The following NDRG3 variants were observed in gnomAD, a reference collection of about 807,000 sequenced individuals.
The protein encoded by NDRG3 is NDRG family member 3, also known as protein NDRG3.
NDRG3 carries 23 observed loss-of-function variants against 57.2 expected under a neutral mutation model. The ratio of observed to expected loss-of-function variants is 0.40; its 90% confidence interval spans 0.29 to 0.57. NDRG3 has a LOEUF of 0.57. Ranked by LOEUF, NDRG3 falls within the 20% of genes least tolerant of loss-of-function variation. The pLI is 0.42. For missense variants in NDRG3, 384 were observed against 457.3 expected (o/e 0.84, Z 1.46); for synonymous variants, 132 against 162.6 (o/e 0.81, Z 1.43).
At chr20:36,690,331 G>C (rs1343691355) in intron 3 of NDRG3, among the ~76,000 whole-genome samples, 1 of 151,950 alleles carries the variant, frequency 6.6e-6, no homozygotes, top group Non-Finnish European at 1.5e-5. Context: ...GCAGACAAAA[G>C]ATGCACCGAG....
intron 1 of NDRG3, among the ~76,000 whole-genome samples, chr20:36,725,804 A>G (rs1369982129): frequency 2.0e-5 from 3 of 152,134 alleles, no homozygotes; most frequent in African/African-American, 4.8e-5. Flanking sequence ...CTCACTGGAA[A>G]GCAATGCACT....
At chr20:36,680,147 C>T (rs1449304230) in intron 8 of NDRG3, among the ~76,000 whole-genome samples, 5 of 151,502 alleles carry the variant, frequency 3.3e-5, no homozygotes, top group Non-Finnish European at 5.9e-5. Flanking sequence ...AGAACTACTG[C>T]TACATACAAC....
intron 7 of NDRG3, among the ~76,000 whole-genome samples, chr20:36,681,944 C>T (rs1190069884): frequency 2.6e-5 from 4 of 152,202 alleles, no homozygotes; most frequent in South Asian, 2.1e-4. Flanking sequence ...GTGATCCACC[C>T]GTGTCGGCCT....
rs1332136399 is a variant in NDRG3, at chr20:36,721,759, G to C, written c.-24C>G. The C allele has an allele frequency of 5.9e-6, 9 of 1,531,412 alleles. No individual in the cohort carries two copies. The highest frequency in any genetic ancestry group is 3.4e-4 in the Middle Eastern group (2 of 5,890). 94.9% of individuals were successfully genotyped at this position (1,531,412 alleles called of 1,614,324 possible). A position where few individuals can be genotyped will look rare whatever the true frequency, so the allele number is the denominator to read the frequency against. On this transcript the variant is annotated 5_prime_UTR_variant, in exon 2 of 16. Transcript: ENST00000349004. ...ATGAGGTCAGATAACGAGAGTAGAGGAATCTCAAGAATAAATCAGTAACTC... is the reference window on the plus strand; with the variant it reads ...ATGAGGTCAGATAACGAGAGTAGAGCAATCTCAAGAATAAATCAGTAACTC...
intron 12 of NDRG3, among the ~76,000 whole-genome samples, chr20:36,661,857 G>A (rs549634077): frequency 1.3e-5 from 2 of 152,160 alleles, no homozygotes; most frequent in Non-Finnish European, 2.9e-5. Flanking sequence ...TTTAGTCTGG[G>A]GATTGCGGGT....
In NDRG3 at chr20:36,666,326, G is replaced by C. The variant is rs775053717; in HGVS notation, c.655C>G (p.Gln219Glu). The change falls in exon 10 of 16, where the codon CAA (glutamine) becomes GAA (glutamate). Residue 219 changes from glutamine to glutamate, a missense_variant. Gln to Glu is a conservative substitution (Grantham distance 29, BLOSUM62 2). Transcript: ENST00000349004. ...YRMHIAQDIN[Q>E]DNLQLFLNSY... is the part of the protein sequence containing the mutation. The stretch of plus-strand genomic sequence containing the variant: ...TTCAAGAAGAGCTGCAGGTTGTCTT[G>C]GTTGATGTCTTGGGCAATATGCATT... 7 of 1,613,980 alleles carry C rather than the reference G, an allele frequency of 4.3e-6. No individual in the cohort carries two copies. The African/African-American group carries it at 9.3e-5, about 22-fold the overall frequency.
At chr20:36,682,489 A>G (rs1981386187) in intron 7 of NDRG3, 29 bp downstream of exon 7, 2 of 1,581,054 alleles carry the variant, frequency 1.3e-6, no homozygotes, top group African/African-American at 1.3e-5. Flanking sequence ...TGCCTCAAGG[A>G]TGTTGAGGCT....
intron 7 of NDRG3, 28 bp from the exon 8 acceptor site, chr20:36,680,930 T>C: frequency 6.3e-7 from 1 of 1,581,486 alleles, no homozygotes; most frequent in Non-Finnish European, 8.7e-7. Flanking sequence ...GACAATAGTA[T>C]GAAAGCTACA....
chr20:36,744,434 G>T (rs923341285), intron 1 of NDRG3, among the ~76,000 whole-genome samples: 2 of 152,150 alleles, frequency 1.3e-5, no homozygotes, highest in African/African-American at 4.8e-5. Context: ...AGGATCTACT[G>T]TGAGCCAGGC....
chr20:36,684,424 A>G lies in NDRG3; in HGVS notation c.372T>C (p.Leu124=). The G allele has an allele frequency of 6.2e-7, 1 of 1,614,058 alleles. No individual in the cohort carries two copies. The highest frequency in any genetic ancestry group is 8.5e-7 in the Non-Finnish European group (1 of 1,179,900). The change falls in exon 6 of 16, where the codon CTT becomes CTC. Residue 124 remains leucine, a synonymous_variant. Coordinates refer to ENST00000349004, the MANE Select transcript of NDRG3 (RefSeq NM_032013.4). ...DELAEMLPPV[L]THLSLKSIIG... ...CAGAATGAACCTACCTTAGGTGGGT[A>G]AGAACAGGAGGCAGCATTTCAGCCA...
At position 36,716,532 on chromosome 20, in the gene NDRG3, C is replaced by CAA. The variant is rs35687613; in HGVS notation, c.57+5145_57+5146dup. ...TGGGCAACAGAGCGAGACTCCATCT[C>CAA]AAAAAAAAAAAAAAAAAGATTTACC... On this transcript the variant is annotated intron_variant, in intron 2 of 15. Coordinates refer to ENST00000349004, the MANE Select transcript of NDRG3 (RefSeq NM_032013.4). Among the ~76,000 whole-genome samples the CAA allele has an allele frequency of 5.8e-4, 58 of 100,468 alleles. 1 individual carries two copies. The highest frequency in any genetic ancestry group is 1.4e-3 in the South Asian group (4 of 2,898). The allele number at this position is 100,468 out of a possible 152,430, so 65.9% of individuals were successfully genotyped here.
At chr20:36,662,230 CT>C (rs749800383) in intron 12 of NDRG3, among the ~76,000 whole-genome samples, 2,751 of 139,148 alleles carry the variant, frequency 0.02, 59 homozygotes, top group African/African-American at 0.064. Context: ...TTTTCTTTTT[CT>C]TTTTTTTTTT....
chr20:36,670,587 AT>A (rs1980059635), intron 9 of NDRG3, among the ~76,000 whole-genome samples: 1 of 152,322 alleles, frequency 6.6e-6, no homozygotes, highest in East Asian at 1.9e-4. Flanking sequence ...AATCAGACTA[AT>A]AGAACCATGT....
intron 5 of NDRG3, among the ~76,000 whole-genome samples, chr20:36,684,817 C>T (rs1981642890): frequency 6.6e-6 from 1 of 151,612 alleles, no homozygotes; most frequent in Admixed American, 6.6e-5. Context: ...CCATTGCACT[C>T]CAGCCTGGGC....
chr20:36,687,219 G>A (rs966733401), intron 5 of NDRG3, among the ~76,000 whole-genome samples: 2 of 71,386 alleles, frequency 2.8e-5, no homozygotes, highest in African/African-American at 7.4e-5. Context: ...AGGAGTAGAT[G>A]TTCCAGACAC....
At chr20:36,661,997 G>A (rs1979243256) in intron 12 of NDRG3, among the ~76,000 whole-genome samples, 1 of 152,162 alleles carries the variant, frequency 6.6e-6, no homozygotes, top group South Asian at 2.1e-4. Context: ...GTTCACTACA[G>A]AATGCGCATT....
intron 8 of NDRG3, among the ~76,000 whole-genome samples, chr20:36,677,489 G>C (rs1004820953): frequency 3.3e-5 from 5 of 152,340 alleles, no homozygotes; most frequent in Admixed American, 3.3e-4. Context: ...GGCTCAGCCA[G>C]CGCAGGGTAG....
intron 1 of NDRG3, among the ~76,000 whole-genome samples, chr20:36,727,675 G>A (rs1340084011): frequency 6.6e-6 from 1 of 151,760 alleles, no homozygotes; most frequent in Non-Finnish European, 1.5e-5. Context: ...CTGAGTAGCT[G>A]GGACTACAGG....
intron 1 of NDRG3, among the ~76,000 whole-genome samples, chr20:36,729,703 C>G (rs569156251): frequency 6.6e-6 from 1 of 151,738 alleles, no homozygotes; most frequent in Non-Finnish European, 1.5e-5. Context: ...AATTTTTGTA[C>G]GTTTTGTAGT....
Sources: gnomAD v4.1 joint callset for allele counts (sites outside exome capture counted in the v4.1 genomes callset) on GRCh38, gnomAD v4.1.1 for gene constraint, MANE v1.5 for transcripts, NCBI Gene and HGNC (gene_info 2026-07-23, HGNC 2026-07-21) for gene names.